Variants in ARHGAP25 observed in about 807,000 individuals in gnomAD.
ARHGAP25 encodes rho GTPase-activating protein 25.
A neutral mutation model predicts 71.0 loss-of-function variants in ARHGAP25; 34 were observed. The observed-to-expected ratio is 0.48, with a 90% CI of 0.36 to 0.64. The LOEUF (loss-of-function observed/expected upper bound fraction) is 0.64. Ranked by LOEUF, ARHGAP25 falls within the 30% of genes least tolerant of loss-of-function variation. The pLI is 0.00. For synonymous variants in ARHGAP25, 282 were observed against 296.5 expected (o/e 0.95, Z 0.50); for missense variants, 706 against 805.1 (o/e 0.88, Z 1.49).
At chr2:68,801,698 C>T (rs759263451) in intron 4 of ARHGAP25, among the ~76,000 whole-genome samples, 27 of 152,102 alleles carry the variant, frequency 1.8e-4, no homozygotes, top group Non-Finnish European at 3.5e-4. Context: ...GGACTGTCTG[C>T]CTTTGAGGGG....
intron 2 of ARHGAP25, among the ~76,000 whole-genome samples, chr2:68,721,917 C>CACTTCCTCT (rs1164541460): frequency 3.9e-5 from 6 of 152,218 alleles, no homozygotes; most frequent in African/African-American, 1.2e-4. Flanking sequence ...TTCCTCTCAC[C>CACTTCCTCT]CAGTGTGTCC....
At chr2:68,824,019 T>A (rs746665113) in intron 10 of ARHGAP25, among the ~76,000 whole-genome samples, 4 of 152,228 alleles carry the variant, frequency 2.6e-5, no homozygotes, top group Non-Finnish European at 4.4e-5. Context: ...TACGTCTTAG[T>A]CCATGCAGAC....
chr2:68,723,356 A>G (rs1361059395), intron 2 of ARHGAP25, among the ~76,000 whole-genome samples: 1 of 152,218 alleles, frequency 6.6e-6, no homozygotes, highest in Non-Finnish European at 1.5e-5. Context: ...GCCATGCCAC[A>G]TCCTGGTGGG....
intron 2 of ARHGAP25, among the ~76,000 whole-genome samples, chr2:68,714,627 A>T (rs1399368642): frequency 6.6e-6 from 1 of 152,180 alleles, no homozygotes; most frequent in Non-Finnish European, 1.5e-5. Context: ...ATTTAGTGCT[A>T]TACATTTCCC....
chr2:68,743,482 A>T (rs552334686), intron 1 of ARHGAP25, among the ~76,000 whole-genome samples: 5 of 152,282 alleles, frequency 3.3e-5, no homozygotes, highest in African/African-American at 9.6e-5. Flanking sequence ...CTTGTCCTCA[A>T]TTCTGCTGTT....
chr2:68,775,448 A>T (rs771451009), intron 2 of ARHGAP25, 28 bp downstream of exon 2: 2 of 1,613,726 alleles, frequency 1.2e-6, no homozygotes, highest in Non-Finnish European at 1.7e-6. Flanking sequence ...TGTCCCGTTC[A>T]TAAGGCACGG....
intron 1 of ARHGAP25, among the ~76,000 whole-genome samples, chr2:68,736,373 A>G (rs1033194857): frequency 6.6e-6 from 1 of 152,220 alleles, no homozygotes; most frequent in Non-Finnish European, 1.5e-5. Flanking sequence ...GGTAATGTTC[A>G]TACCTCTTAC....
At chr2:68,814,576 A>C (rs56005909) in intron 6 of ARHGAP25, among the ~76,000 whole-genome samples, 3,240 of 152,274 alleles carry the variant, frequency 0.021, 46 homozygotes, top group Admixed American at 0.046. Context: ...TTTTCAATAT[A>C]AGGGAAGGTT....
At chr2:68,729,723 T>C (rs1482547334) in intron 2 of ARHGAP25, among the ~76,000 whole-genome samples, 1 of 152,268 alleles carries the variant, frequency 6.6e-6, no homozygotes, top group Non-Finnish European at 1.5e-5. Flanking sequence ...ATGTTTGTTC[T>C]TCACCTGACT....
chr2:68,808,859 T>C (rs1402002719), intron 5 of ARHGAP25, among the ~76,000 whole-genome samples: 1 of 152,220 alleles, frequency 6.6e-6, no homozygotes, highest in East Asian at 1.9e-4. Flanking sequence ...CTATGCACTA[T>C]GGAGTTGGCA....
intron 1 of ARHGAP25, among the ~76,000 whole-genome samples, chr2:68,752,711 T>C (rs902611922): frequency 6.7e-6 from 1 of 148,442 alleles, no homozygotes; most frequent in African/African-American, 2.5e-5. Flanking sequence ...AGGAAGGCCT[T>C]TGAACTCTGT....
At chr2:68,725,732 C>T (rs568197344) in intron 2 of ARHGAP25, among the ~76,000 whole-genome samples, 4 of 152,282 alleles carry the variant, frequency 2.6e-5, no homozygotes, top group South Asian at 4.1e-4. Flanking sequence ...CCATACAATT[C>T]GTCCCCTATT....
intron 5 of ARHGAP25, among the ~76,000 whole-genome samples, chr2:68,808,770 T>C (rs754886537): frequency 2.0e-5 from 3 of 152,228 alleles, no homozygotes; most frequent in Non-Finnish European, 4.4e-5. Context: ...GGGTTGTTGC[T>C]AGAGCAATGC....
chr2:68,729,331 A>G (rs1674954106), intron 2 of ARHGAP25, among the ~76,000 whole-genome samples: 1 of 152,170 alleles, frequency 6.6e-6, no homozygotes, highest in Non-Finnish European at 1.5e-5. Flanking sequence ...AAATGCAGAT[A>G]ACAGTAACAG....
intron 3 of ARHGAP25, among the ~76,000 whole-genome samples, chr2:68,787,169 CCA>C (rs1678818951): frequency 6.6e-6 from 1 of 152,176 alleles, no homozygotes; most frequent in South Asian, 2.1e-4. Context: ...TCAATTTCTC[CCA>C]CCTTTTTGGT....
At chr2:68,770,990 C>T (rs1677449449) in intron 1 of ARHGAP25, among the ~76,000 whole-genome samples, 1 of 151,962 alleles carries the variant, frequency 6.6e-6, no homozygotes, top group Non-Finnish European at 1.5e-5. Context: ...TGTTCTCTAT[C>T]TGTTGTCCAG....
At chr2:68,769,393 A>G (rs967031341) in intron 1 of ARHGAP25, among the ~76,000 whole-genome samples, 2 of 152,130 alleles carry the variant, frequency 1.3e-5, no homozygotes, top group Non-Finnish European at 2.9e-5. Context: ...CATAAGATGC[A>G]TGTTATTATC....
chr2:68,774,094 C>A (rs1677666738), intron 1 of ARHGAP25, among the ~76,000 whole-genome samples: 1 of 151,968 alleles, frequency 6.6e-6, no homozygotes, highest in African/African-American at 2.4e-5. Flanking sequence ...CAGGGATGGA[C>A]AAAAGCTGAA....
intron 2 of ARHGAP25, among the ~76,000 whole-genome samples, chr2:68,725,353 C>A (rs967676292): frequency 6.6e-6 from 1 of 152,070 alleles, no homozygotes; most frequent in Non-Finnish European, 1.5e-5. Context: ...GAAACAGAGT[C>A]TCTCTCTGAC....
Sources: gnomAD v4.1 joint callset for allele counts (sites outside exome capture counted in the v4.1 genomes callset) on GRCh38, gnomAD v4.1.1 for gene constraint, MANE v1.5 for transcripts, NCBI Gene and HGNC (gene_info 2026-07-23, HGNC 2026-07-21) for gene names.